The following SEC31A variants were observed in gnomAD, a reference collection of about 807,000 sequenced individuals.
SEC31A encodes SEC31 homolog A, COPII component.
SEC31A carries 70 observed loss-of-function variants against 151.0 expected under a neutral mutation model. That is an observed-to-expected ratio of 0.46 (90% CI 0.38 to 0.57). The LOEUF is 0.57. Ranked by LOEUF, SEC31A falls within the 20% of genes least tolerant of loss-of-function variation. SEC31A has a pLI of 0.00. For missense variants in SEC31A, 1,330 were observed against 1,471.2 expected, an observed-to-expected ratio of 0.90 and a Z score of 1.57; for synonymous variants, 475 against 505.9, an observed-to-expected ratio of 0.94 and a Z score of 0.82.
At chr4:82,835,314 A>G (rs140784227) in intron 22 of SEC31A, among the ~76,000 whole-genome samples, 247 of 152,184 alleles carry the variant, frequency 1.6e-3, no homozygotes, top group African/African-American at 5.7e-3. Flanking sequence ...GTCAACGCTT[A>G]AAAAAAATAT....
At chr4:82,885,112 G>T (rs1252656006) in intron 1 of SEC31A, among the ~76,000 whole-genome samples, 2 of 152,022 alleles carry the variant, frequency 1.3e-5, no homozygotes, top group African/African-American at 4.8e-5. Context: ...CCTCTTGTTT[G>T]CCTTTACATG....
In SEC31A at chr4:82,855,146, T is replaced by C. The variant is rs1029496083; in HGVS notation, c.1882-117A>G. 47 of 870,134 alleles carry C rather than the reference T, an allele frequency of 5.4e-5. No homozygotes were observed. The Middle Eastern group carries it at 9.3e-4, about 17-fold the overall frequency. The allele number at this position is 870,134 out of a possible 1,614,324, so 53.9% of individuals were successfully genotyped here. On this transcript the variant is annotated intron_variant, in intron 16 of 26. Coordinates refer to ENST00000395310, the MANE Select transcript of SEC31A (RefSeq NM_001077207.4). ...CCAAATGCAGCAGCAAAATGAAGTA[T>C]AATTTTGAATCAAATGACATAATAA...
intron 22 of SEC31A, among the ~76,000 whole-genome samples, chr4:82,841,852 A>G (rs1728963041): frequency 6.7e-6 from 1 of 149,096 alleles, no homozygotes; most frequent in African/African-American, 2.5e-5. Context: ...CATGTCTGTT[A>G]TCCCAGCTAC....
intron 8 of SEC31A, 89 bp downstream of exon 8, chr4:82,870,235 CA>C: frequency 1.1e-6 from 1 of 917,400 alleles, no homozygotes; most frequent in South Asian, 1.5e-5. Context: ...CATAGTAATC[CA>C]CTAAAGAATC....
Position 82,846,018 on chromosome 4 carries a change from G to A in SEC31A, c.2503-1509C>T, listed in dbSNP as rs894865974. 1.1e-4 allele frequency among the ~76,000 whole-genome samples: 17 copies of A among 151,702 alleles called. No homozygotes were observed. In the East Asian group the frequency reaches 1.2e-3, roughly 10 times the overall value. Reference sequence around the variant, plus strand: ...TGTTTGTTTGTTTGTTTGTTTTTCCGAGACGGAGTGGAGTCTCACTCTGTC... The same window carrying A: ...TGTTTGTTTGTTTGTTTGTTTTTCCAAGACGGAGTGGAGTCTCACTCTGTC... On this transcript the variant is annotated intron_variant, in intron 20 of 26. Transcript: ENST00000395310.
At chr4:82,843,508 T>C (rs1729373706) in intron 21 of SEC31A, among the ~76,000 whole-genome samples, 1 of 152,174 alleles carries the variant, frequency 6.6e-6, no homozygotes, top group Non-Finnish European at 1.5e-5. Flanking sequence ...TGAACCTCGA[T>C]AGAGTGAATC....
At position 82,891,123 on chromosome 4, in the gene SEC31A, G is replaced by A; in HGVS notation, c.-40C>T. 6.5e-7 allele frequency: 1 copy of A among 1,535,932 alleles called. No homozygotes were observed. Among genetic ancestry groups the A allele is most frequent in the South Asian group, 1.2e-5 (1 of 84,058 alleles). ...CCTTCGGCAGCCGGATCCTGCGTTAGTGCAGCGCTCGTCGGACTCTCCCAG... is the reference window on the plus strand; with the variant it reads ...CCTTCGGCAGCCGGATCCTGCGTTAATGCAGCGCTCGTCGGACTCTCCCAG... On this transcript the variant is annotated 5_prime_UTR_variant, in exon 1 of 27. Coordinates refer to ENST00000395310, the MANE Select transcript of SEC31A (RefSeq NM_001077207.4).
chr4:82,834,271 C>T (rs4484290), intron 22 of SEC31A, among the ~76,000 whole-genome samples: 100,581 of 152,074 alleles, frequency 0.66, 36,008 homozygotes, highest in Non-Finnish European at 0.79. Flanking sequence ...CCTGAAAGTA[C>T]TGGAAACACA....
intron 21 of SEC31A, among the ~76,000 whole-genome samples, chr4:82,843,308 A>AT (rs2149254872): frequency 6.6e-6 from 1 of 151,776 alleles, no homozygotes; most frequent in Non-Finnish European, 1.5e-5. Flanking sequence ...TAATTTTTAC[A>AT]TTTTTCTTTT....
At chr4:82,850,313 G>A (rs1327926556) in intron 19 of SEC31A, among the ~76,000 whole-genome samples, 1 of 151,996 alleles carries the variant, frequency 6.6e-6, no homozygotes, top group African/African-American at 2.4e-5. Flanking sequence ...AAACTAGTAT[G>A]CCAAAGTCAC....
At chr4:82,854,712 T>TAAAA (rs79298254) in intron 17 of SEC31A, among the ~76,000 whole-genome samples, 191 bp downstream of exon 17, 1 of 140,308 alleles carries the variant, frequency 7.1e-6, no homozygotes, top group Non-Finnish European at 1.5e-5. Context: ...CTAGTAGATT[T>TAAAA]AAAAAAAAAA....
chr4:82,891,219 G>C, upstream of SEC31A: 1 of 1,506,612 alleles, frequency 6.6e-7, no homozygotes, highest in South Asian at 1.2e-5. Flanking sequence ...AGCCGCAGCC[G>C]CAGCCACGCC....
At chr4:82,861,849 TGAGAAATACCATTA>T in intron 13 of SEC31A, 141 bp from the exon 14 acceptor site, 1 of 478,130 alleles carries the variant, frequency 2.1e-6, no homozygotes, top group South Asian at 4.4e-5. Flanking sequence ...TAAATTTATT[TGAGAAATACCATTA>T]GAGGAAAAGC....
At position 82,853,552 on chromosome 4, in the gene SEC31A, T is replaced by C; in HGVS notation, c.2154+18A>G. The C allele has an allele frequency of 2.6e-6, 4 of 1,542,726 alleles. No homozygotes were observed. Among genetic ancestry groups the C allele is most frequent in the East Asian group, 2.4e-5 (1 of 41,246 alleles). ...GACAACACTAAAAATTAAGTGCCTT[T>C]TGTTTCAAAGATACTACCTGAAGTG... On this transcript the variant is annotated intron_variant, in intron 18 of 26. Coordinates refer to ENST00000395310, the MANE Select transcript of SEC31A (RefSeq NM_001077207.4).
At chr4:82,858,701 T>C (rs1733336090) in intron 14 of SEC31A, among the ~76,000 whole-genome samples, 1 of 150,960 alleles carries the variant, frequency 6.6e-6, no homozygotes, top group Non-Finnish European at 1.5e-5. Context: ...TATTTATTTA[T>C]TTATTTAATT....
chr4:82,861,544 A>G, intron 14 of SEC31A, 87 bp downstream of exon 14: 1 of 769,444 alleles, frequency 1.3e-6, no homozygotes, highest in Non-Finnish European at 2.2e-6. Flanking sequence ...TTTTGCCATA[A>G]GTAGTCAAGA....
At chr4:82,872,370 GTAGATATGAGGT>G (rs893930512) in intron 6 of SEC31A, among the ~76,000 whole-genome samples, 1 of 152,062 alleles carries the variant, frequency 6.6e-6, no homozygotes, top group Admixed American at 6.6e-5. Flanking sequence ...TGTATTTTTA[GTAGATATGAGGT>G]TTTACCATGT....
intron 13 of SEC31A, 40 bp from the exon 14 acceptor site, chr4:82,861,748 G>A (rs1476949800): frequency 3.5e-6 from 5 of 1,424,954 alleles, no homozygotes; most frequent in South Asian, 1.2e-5. Flanking sequence ...GGTGAAGAAT[G>A]TAGTATTAAA....
chr4:82,842,167 T>C lies in SEC31A; in HGVS notation c.2941A>G (p.Ser981Gly), dbSNP rs1422089616. The C allele has an allele frequency of 1.9e-6, 3 of 1,572,294 alleles. No homozygotes were observed. Among genetic ancestry groups the C allele is most frequent in the South Asian group, 1.2e-5 (1 of 84,234 alleles). The stretch of plus-strand genomic sequence containing the variant: ...GTTCTTTGGGACGCAGGCAGCTCAC[T>C]GGCAGCAGGCAGTGTACCTGTTGTT... ...PGTTGTLPAA[S>G]ELPASQRTGP... The change falls in exon 22 of 27, where the codon AGT becomes GGT. Residue 981 changes from serine (S) to glycine (G), a missense_variant. Transcript: ENST00000395310.
Sources: gnomAD v4.1 joint callset for allele counts (sites outside exome capture counted in the v4.1 genomes callset) on GRCh38, gnomAD v4.1.1 for gene constraint, MANE v1.5 for transcripts, NCBI Gene and HGNC (gene_info 2026-07-23, HGNC 2026-07-21) for gene names.